GABRB1: variants seen among roughly 807,000 people sequenced by gnomAD.
The protein encoded by GABRB1 is gamma-aminobutyric acid type A receptor subunit beta1, also known as gamma-aminobutyric acid receptor subunit beta-1.
In GABRB1, 17 loss-of-function variants were observed where a neutral mutation model predicts 51.6. That is an observed-to-expected ratio of 0.33 (90% CI 0.23 to 0.49). GABRB1 has a LOEUF of 0.49. Among genes scored for constraint, GABRB1 ranks in the 20% least tolerant of loss-of-function variants. GABRB1 has a pLI of 0.99. For synonymous variants in GABRB1, 247 were observed against 218.9 expected (o/e 1.13, Z -1.14); for missense variants, 410 against 600.6 (o/e 0.68, Z 3.32).
At position 47,369,855 on chromosome 4, in the gene GABRB1, T is replaced by A. The variant is rs536573980; in HGVS notation, c.545-33463T>A. Among the ~76,000 whole-genome samples, 10 of 152,266 alleles carry A rather than the reference T, an allele frequency of 6.6e-5. 1 individual carries two copies. In the South Asian group the frequency reaches 1.9e-3, roughly 28 times the overall value. On this transcript the variant is annotated intron_variant, in intron 5 of 8. Coordinates refer to ENST00000295454, the MANE Select transcript of GABRB1 (RefSeq NM_000812.4). ...ATGGCAGTAGAAAAAAATGCATACT[T>A]TTCATAATTTCAAGAATAGTTACTG...
chr4:47,360,588 T>A (rs1726771915), intron 5 of GABRB1, among the ~76,000 whole-genome samples: 1 of 152,128 alleles, frequency 6.6e-6, no homozygotes. Context: ...ATGGATTTGA[T>A]TATACAGTTC....
At chr4:47,400,753 T>A (rs1309786382) in intron 5 of GABRB1, among the ~76,000 whole-genome samples, 1 of 152,102 alleles carries the variant, frequency 6.6e-6, no homozygotes, top group Non-Finnish European at 1.5e-5. Flanking sequence ...TCTCCAACAT[T>A]CCTTATACCA....
intron 4 of GABRB1, among the ~76,000 whole-genome samples, chr4:47,275,299 TG>T (rs1723033309): frequency 1.3e-5 from 2 of 152,258 alleles, no homozygotes; most frequent in Admixed American, 6.5e-5. Flanking sequence ...CACTTCATTC[TG>T]GGGGCAGGGA....
At position 47,035,295 on chromosome 4, in the gene GABRB1, G is replaced by A. The variant is rs552950506; in HGVS notation, c.240+2811G>A. On this transcript the variant is annotated intron_variant, in intron 3 of 8. Coordinates refer to ENST00000295454, the MANE Select transcript of GABRB1 (RefSeq NM_000812.4). Reference sequence around the variant, plus strand: ...GATTTCTTAATTTGTGAAAAATTAAGTGTTTTCTTAATTTTTCACAAATTA... The same window carrying A: ...GATTTCTTAATTTGTGAAAAATTAAATGTTTTCTTAATTTTTCACAAATTA... 2.2e-3 allele frequency among the ~76,000 whole-genome samples: 330 copies of A among 151,544 alleles called. 1 individual carries two copies. The highest frequency in any genetic ancestry group is 7.5e-3 in the African/African-American group (308 of 41,178).
chr4:47,197,836 T>A (rs1188728010), intron 4 of GABRB1, among the ~76,000 whole-genome samples: 1 of 152,174 alleles, frequency 6.6e-6, no homozygotes, highest in African/African-American at 2.4e-5. Flanking sequence ...AATAATTTTG[T>A]AAGAACACCT....
At chr4:47,424,179 A>G (rs1352402602) in intron 8 of GABRB1, among the ~76,000 whole-genome samples, 1 of 152,260 alleles carries the variant, frequency 6.6e-6, no homozygotes, top group Non-Finnish European at 1.5e-5. Flanking sequence ...CTGTGGAAAC[A>G]AAGTGTAACA....
At chr4:47,228,160 G>A (rs181553089) in intron 4 of GABRB1, among the ~76,000 whole-genome samples, 114 of 152,196 alleles carry the variant, frequency 7.5e-4, no homozygotes, top group African/African-American at 2.5e-3. Flanking sequence ...CTCAGCAGCC[G>A]TTGGAATCAA....
chr4:47,352,697 T>C (rs1726399200), intron 5 of GABRB1, among the ~76,000 whole-genome samples: 1 of 152,212 alleles, frequency 6.6e-6, no homozygotes. Context: ...TCTCAGTACA[T>C]TGTTACATTC....
intron 4 of GABRB1, among the ~76,000 whole-genome samples, chr4:47,182,131 A>G (rs1718976303): frequency 8.0e-6 from 1 of 124,244 alleles, no homozygotes; most frequent in Admixed American, 8.8e-5. Context: ...CTTTGTACCC[A>G]AAAGTGGGTG....
At chr4:47,061,035 TA>T (rs1726827135) in intron 3 of GABRB1, among the ~76,000 whole-genome samples, 1 of 152,182 alleles carries the variant, frequency 6.6e-6, no homozygotes, top group African/African-American at 2.4e-5. Flanking sequence ...ACAAAGTTAC[TA>T]AAAAATAACT....
chr4:47,122,259 G>T (rs952830321), intron 3 of GABRB1, among the ~76,000 whole-genome samples: 3 of 152,156 alleles, frequency 2.0e-5, no homozygotes, highest in Non-Finnish European at 2.9e-5. Flanking sequence ...AGTTGACAGT[G>T]TTGAATCTCA....
At chr4:47,416,553 C>T (rs976781372) in intron 8 of GABRB1, among the ~76,000 whole-genome samples, 2 of 151,206 alleles carry the variant, frequency 1.3e-5, no homozygotes, top group Non-Finnish European at 2.9e-5. Context: ...CGGGTTCAAA[C>T]AATTCTCATG....
chr4:47,174,214 G>A (rs1002672743), intron 4 of GABRB1, among the ~76,000 whole-genome samples: 9 of 151,980 alleles, frequency 5.9e-5, no homozygotes, highest in African/African-American at 1.7e-4. Context: ...ACAGGCACAC[G>A]CCCAGCTAAT....
chr4:47,341,889 G>A (rs951217122), intron 5 of GABRB1, among the ~76,000 whole-genome samples: 2 of 152,248 alleles, frequency 1.3e-5, no homozygotes, highest in Admixed American at 1.3e-4. Flanking sequence ...AAAGATCTAT[G>A]CCTGGCAAAA....
chr4:47,117,214 T>C (rs1715532769), intron 3 of GABRB1, among the ~76,000 whole-genome samples: 1 of 152,200 alleles, frequency 6.6e-6, no homozygotes, highest in South Asian at 2.1e-4. Context: ...GAGCAGGTCC[T>C]CTGAATTTTT....
chr4:47,332,357 A>C (rs1006059762), intron 5 of GABRB1, among the ~76,000 whole-genome samples: 6 of 152,328 alleles, frequency 3.9e-5, no homozygotes, highest in Admixed American at 1.3e-4. Flanking sequence ...TGCAACAGGC[A>C]CTATATTCAA....
At chr4:47,279,083 AATGG>A (rs34567848) in intron 4 of GABRB1, among the ~76,000 whole-genome samples, 82,031 of 147,192 alleles carry the variant, frequency 0.56, 22,961 homozygotes, top group East Asian at 0.85. Context: ...CTTTCTTAGG[AATGG>A]ATGGATGGAT....
intron 4 of GABRB1, among the ~76,000 whole-genome samples, chr4:47,168,826 G>T (rs762917861): frequency 1.3e-5 from 2 of 152,094 alleles, no homozygotes; most frequent in Non-Finnish European, 2.9e-5. Context: ...AAAAATCAAG[G>T]TGTTGGCAGA....
chr4:47,369,954 A>G (rs1486421886), intron 5 of GABRB1, among the ~76,000 whole-genome samples: 5 of 152,118 alleles, frequency 3.3e-5, no homozygotes, highest in African/African-American at 1.2e-4. Flanking sequence ...TTTTTACTGT[A>G]TTTTGTAGTC....
Sources: gnomAD v4.1 joint callset for allele counts (sites outside exome capture counted in the v4.1 genomes callset) on GRCh38, gnomAD v4.1.1 for gene constraint, MANE v1.5 for transcripts, NCBI Gene and HGNC (gene_info 2026-07-23, HGNC 2026-07-21) for gene names.